Variants in RBMS1 observed in about 807,000 individuals in gnomAD.
The protein encoded by RBMS1 is RNA binding motif single stranded interacting protein 1.
RBMS1 carries 17 observed loss-of-function variants against 62.3 expected under a neutral mutation model. The ratio of observed to expected loss-of-function variants is 0.27; its 90% CI spans 0.19 to 0.41. RBMS1 has a LOEUF of 0.41. Among genes scored for constraint, RBMS1 ranks in the 10% least tolerant of loss-of-function variants. The pLI, the probability that RBMS1 is intolerant of heterozygous loss-of-function variation, is 1.00. For missense variants in RBMS1, 334 were observed against 504.5 expected, an observed-to-expected ratio of 0.66 and a Z score of 3.24; for synonymous variants, 172 against 170.0, an observed-to-expected ratio of 1.01 and a Z score of -0.09.
At chr2:160,426,297 AG>A (rs1682606691) in intron 1 of RBMS1, among the ~76,000 whole-genome samples, 91 of 56,032 alleles carry the variant, frequency 1.6e-3, no homozygotes, top group Non-Finnish European at 2.4e-3. Flanking sequence ...AAGAAAAGAA[AG>A]AAGGAAGGAA....
intron 1 of RBMS1, among the ~76,000 whole-genome samples, chr2:160,432,985 T>A (rs1221567525): frequency 6.6e-6 from 1 of 152,172 alleles, no homozygotes; most frequent in East Asian, 1.9e-4. Context: ...CTCAGGGAAT[T>A]CTCATCCTGT....
intron 6 of RBMS1, among the ~76,000 whole-genome samples, chr2:160,294,933 A>G (rs1366439259): frequency 6.6e-6 from 1 of 152,072 alleles, no homozygotes; most frequent in East Asian, 1.9e-4. Context: ...GATGCTATGG[A>G]GTAACCATTC....
At position 160,316,130 on chromosome 2, in the gene RBMS1, C is replaced by A. The variant is rs533580563; in HGVS notation, c.310+2039G>T. ...AGTCATCTATATGCCTATCTATCTACCTATCACGTCAAGTTATCTTGGGTA... is the reference window on the plus strand; with the variant it reads ...AGTCATCTATATGCCTATCTATCTAACTATCACGTCAAGTTATCTTGGGTA... On this transcript the variant is annotated intron_variant, in intron 3 of 13. Coordinates refer to ENST00000348849, the MANE Select transcript of RBMS1 (RefSeq NM_016836.4). 3.9e-5 allele frequency among the ~76,000 whole-genome samples: 6 copies of A among 152,196 alleles called. No homozygotes were observed. In the South Asian group the frequency reaches 1.0e-3, roughly 26 times the overall value.
intron 1 of RBMS1, among the ~76,000 whole-genome samples, chr2:160,440,960 C>A (rs931055714): frequency 6.6e-6 from 1 of 152,316 alleles, no homozygotes; most frequent in East Asian, 1.9e-4. Context: ...CAATTGTATA[C>A]AGTTGTGTAA....
intron 1 of RBMS1, among the ~76,000 whole-genome samples, chr2:160,473,494 A>G (rs1685007191): frequency 6.6e-6 from 1 of 152,180 alleles, no homozygotes; most frequent in African/African-American, 2.4e-5. Context: ...TTTCTGTGCT[A>G]TGATTAAGGA....
At chr2:160,330,982 G>A (rs191093546) in intron 2 of RBMS1, among the ~76,000 whole-genome samples, 2 of 152,264 alleles carry the variant, frequency 1.3e-5, no homozygotes, top group East Asian at 1.9e-4. Flanking sequence ...GCGTGAAAAC[G>A]GAGGCAGAGA....
At chr2:160,492,016 G>C (rs1352058529) in intron 1 of RBMS1, among the ~76,000 whole-genome samples, 1 of 152,164 alleles carries the variant, frequency 6.6e-6, no homozygotes, top group Non-Finnish European at 1.5e-5. Flanking sequence ...CAAATACAGG[G>C]CTATGTCGTA....
rs71003493 is a variant in RBMS1, at chr2:160,390,891, C to CAA, written c.76-23502_76-23501dup. 9.3e-3 allele frequency among the ~76,000 whole-genome samples: 1,367 copies of CAA among 147,276 alleles called. 6 individuals are homozygous for CAA. The highest frequency in any genetic ancestry group is 0.018 in the Middle Eastern group (5 of 284). On this transcript the variant is annotated intron_variant, in intron 1 of 13. Transcript: ENST00000348849. ...CTAACTGCAAGTTAAAAACAACCAC[C>CAA]AAAAAAAAAAAATAACATTTCCATA... is the stretch of plus-strand genomic sequence containing the variant.
At position 160,423,376 on chromosome 2, in the gene RBMS1, TG is replaced by T. The variant is rs556931746; in HGVS notation, c.76-55986del. ...TTCTCTATTCTAAAAAAAAGCGGGG[TG>T]GGGGGGAGGGAAATGATTCCCTTGC... On this transcript the variant is annotated intron_variant, in intron 1 of 13. Coordinates refer to ENST00000348849, the MANE Select transcript of RBMS1 (RefSeq NM_016836.4). Among the ~76,000 whole-genome samples the T allele has an allele frequency of 2.0e-4, 10 of 49,408 alleles. No individual in the cohort carries two copies. The East Asian group carries it at 5.8e-3, about 29-fold the overall frequency. The allele number at this position is 49,408 out of a possible 152,430, so 32.4% of individuals were successfully genotyped here.
intron 1 of RBMS1, among the ~76,000 whole-genome samples, chr2:160,476,624 G>T (rs1356925922): frequency 7.2e-6 from 1 of 138,948 alleles, no homozygotes; most frequent in Non-Finnish European, 1.5e-5. Context: ...GCGGGATCTC[G>T]GCTCACTGCA....
intron 4 of RBMS1, among the ~76,000 whole-genome samples, chr2:160,304,169 A>G (rs1045472038): frequency 1.3e-5 from 2 of 152,122 alleles, no homozygotes; most frequent in African/African-American, 4.8e-5. Context: ...CCAAAGATCA[A>G]GCAGAAGTCA....
intron 6 of RBMS1, among the ~76,000 whole-genome samples, chr2:160,289,587 CA>C (rs1167977240): frequency 1.3e-5 from 2 of 152,120 alleles, no homozygotes; most frequent in Admixed American, 6.5e-5. Flanking sequence ...GCTGGGGATA[CA>C]GTGGTAGATA....
In RBMS1 at chr2:160,324,896, A is replaced by G. The variant is rs905891928; in HGVS notation, c.252-6669T>C. On this transcript the variant is annotated intron_variant, in intron 2 of 13. Transcript: ENST00000348849. Reference sequence around the variant, plus strand: ...TGTGTGTGTGTGTATATATATATATATATATATATATACACACACACACAC... The same window carrying G: ...TGTGTGTGTGTGTATATATATATATGTATATATATATACACACACACACAC... Among the ~76,000 whole-genome samples, 23 of 125,754 alleles carry G rather than the reference A, an allele frequency of 1.8e-4. No homozygotes were observed. The East Asian group carries it at 4.9e-3, about 27-fold the overall frequency. The allele number at this position is 125,754 out of a possible 152,430, so 82.5% of individuals were successfully genotyped here.
At chr2:160,475,856 C>T (rs1044918573) in intron 1 of RBMS1, among the ~76,000 whole-genome samples, 1 of 130,964 alleles carries the variant, frequency 7.6e-6, no homozygotes, top group Non-Finnish European at 1.6e-5. Context: ...GAATGGGCCC[C>T]CCATTTTTTT....
chr2:160,420,012 C>T (rs1696360044), intron 1 of RBMS1, among the ~76,000 whole-genome samples: 1 of 152,164 alleles, frequency 6.6e-6, no homozygotes, highest in African/African-American at 2.4e-5. Flanking sequence ...TTCTCTTTCT[C>T]CATATCTTTT....
At position 160,275,637 on chromosome 2, in the gene RBMS1, T is replaced by C. The variant is rs1687795517; in HGVS notation, c.1221A>G (p.Ter407=). The change falls in exon 13 of 14, where the codon TAA becomes TAG. Residue 407 remains the stop codon, a stop_retained_variant. Coordinates refer to ENST00000348849, the MANE Select transcript of RBMS1 (RefSeq NM_016836.4). ...HSPYTFQPNK[*] is the part of the protein sequence containing the mutation. ...AAGACCTTTCCCTCATACCTCACAG[T>C]TACTTATTAGGTTGAAAGGTATATG... 1.2e-6 allele frequency: 2 copies of C among 1,613,394 alleles called. No homozygotes were observed. The highest frequency in any genetic ancestry group is 2.7e-5 in the African/African-American group (2 of 74,910).
At chr2:160,414,275 T>A (rs1172006774) in intron 1 of RBMS1, among the ~76,000 whole-genome samples, 1 of 152,230 alleles carries the variant, frequency 6.6e-6, no homozygotes, top group African/African-American at 2.4e-5. Context: ...TGCTAAGGTA[T>A]AACTTCTCTC....
chr2:160,428,017 T>G lies in RBMS1; in HGVS notation c.76-60626A>C, dbSNP rs554010870. ...CTCTGGTCTCTGTTTGTTAGTTAAA[T>G]TAGGTTATTATAAATATTTAAGAGA... On this transcript the variant is annotated intron_variant, in intron 1 of 13. Coordinates refer to ENST00000348849, the MANE Select transcript of RBMS1 (RefSeq NM_016836.4). Among the ~76,000 whole-genome samples, 188 of 152,166 alleles carry G rather than the reference T, an allele frequency of 1.2e-3. 2 individuals are homozygous for G. The highest frequency in any genetic ancestry group is 4.5e-3 in the African/African-American group (186 of 41,498).
chr2:160,365,213 T>C (rs1204723954), intron 2 of RBMS1, among the ~76,000 whole-genome samples: 1 of 152,224 alleles, frequency 6.6e-6, no homozygotes, highest in Non-Finnish European at 1.5e-5. Flanking sequence ...TTAAATGGAA[T>C]GAAGTTTCCA....
Sources: gnomAD v4.1 joint callset for allele counts (sites outside exome capture counted in the v4.1 genomes callset) on GRCh38, gnomAD v4.1.1 for gene constraint, MANE v1.5 for transcripts, NCBI Gene and HGNC (gene_info 2026-07-23, HGNC 2026-07-21) for gene names.